FSTL4: variants seen among roughly 807,000 people sequenced by gnomAD.
FSTL4 encodes the protein follistatin-related protein 4.
Under a neutral mutation model 78.2 loss-of-function variants are expected in FSTL4, and 28 were observed. The ratio of observed to expected loss-of-function variants is 0.36; its 90% CI spans 0.27 to 0.49. FSTL4 has a LOEUF of 0.49. FSTL4 is among the 20% of genes least tolerant of loss of function. The pLI is 0.98. For synonymous variants in FSTL4, 422 were observed against 440.5 expected, an observed-to-expected ratio of 0.96 and a Z score of 0.53; for missense variants, 922 against 1,084.9, an observed-to-expected ratio of 0.85 and a Z score of 2.11.
the FSTL4 span, among the ~76,000 whole-genome samples, chr5:133,739,135 A>G: frequency 1.1e-4 from 17 of 152,076 alleles, no homozygotes; most frequent in African/African-American, 2.9e-4. Flanking sequence ...TTTACTGAGC[A>G]CCAAATCCAA....
intron 2 of FSTL4, among the ~76,000 whole-genome samples, chr5:133,596,168 A>C (rs969075643): frequency 1.3e-5 from 2 of 152,204 alleles, no homozygotes; most frequent in African/African-American, 4.8e-5. Context: ...TAGCCCTGCC[A>C]CCAGCCAAGC....
intron 6 of FSTL4, among the ~76,000 whole-genome samples, chr5:133,279,010 C>T (rs1486920410): frequency 1.3e-5 from 2 of 152,226 alleles, no homozygotes; most frequent in Admixed American, 6.5e-5. Flanking sequence ...AACTTGCCAG[C>T]CCTGGCCAGC....
At chr5:133,595,346 A>G (rs1418663352) in intron 2 of FSTL4, among the ~76,000 whole-genome samples, 3 of 152,244 alleles carry the variant, frequency 2.0e-5, no homozygotes, top group African/African-American at 7.2e-5. Context: ...GGGATTTCTT[A>G]TGTAAGGAGT....
chr5:133,783,034 C>T, the FSTL4 span, among the ~76,000 whole-genome samples: 3 of 152,198 alleles, frequency 2.0e-5, no homozygotes, highest in Non-Finnish European at 4.4e-5. Context: ...GTCACCAGCA[C>T]CTCTTCCAAC....
intron 4 of FSTL4, among the ~76,000 whole-genome samples, chr5:133,376,551 C>A (rs1292626795): frequency 6.6e-6 from 1 of 151,880 alleles, no homozygotes; most frequent in Non-Finnish European, 1.5e-5. Context: ...TTAAAAAAAA[C>A]ACACACACTC....
rs1209286806 is a variant in FSTL4, at chr5:133,312,638, CT to C, written c.727+15del. 4.3e-6 allele frequency: 7 copies of C among 1,613,432 alleles called. No individual in the cohort carries two copies. The Admixed American group carries it at 6.7e-5, about 15-fold the overall frequency. The stretch of plus-strand genomic sequence containing the variant: ...CCTGCAGAAATAAGCCCTTTTCCCA[CT>C]GGGACCCAACTTACGGAAGGCCATG... On this transcript the variant is annotated intron_variant, in intron 6 of 15. Transcript: ENST00000265342.
the FSTL4 span, among the ~76,000 whole-genome samples, chr5:133,836,120 T>C: frequency 6.6e-6 from 1 of 152,188 alleles, no homozygotes; most frequent in Admixed American, 6.5e-5. Context: ...TTGAGTTTTG[T>C]TTTTATCTAG....
chr5:133,493,787 A>C (rs1758316916), intron 3 of FSTL4, among the ~76,000 whole-genome samples: 1 of 152,150 alleles, frequency 6.6e-6, no homozygotes, highest in Admixed American at 6.5e-5. Flanking sequence ...ATATTTAGAA[A>C]AATAAACATT....
At chr5:133,815,347 T>C in the FSTL4 span, among the ~76,000 whole-genome samples, 3 of 152,296 alleles carry the variant, frequency 2.0e-5, no homozygotes, top group African/African-American at 4.8e-5. Flanking sequence ...CTGGGAAGGG[T>C]GCAGTTTCCA....
At chr5:133,456,309 A>T (rs887769688) in intron 3 of FSTL4, among the ~76,000 whole-genome samples, 1 of 152,240 alleles carries the variant, frequency 6.6e-6, no homozygotes, top group African/African-American at 2.4e-5. Flanking sequence ...GTCCTGAGAC[A>T]ACAAGTGGGC....
intron 15 of FSTL4, among the ~76,000 whole-genome samples, chr5:133,201,102 T>G (rs1441896109): frequency 1.3e-5 from 2 of 152,182 alleles, no homozygotes; most frequent in African/African-American, 4.8e-5. Context: ...CAGCAACAAC[T>G]TGCAAAAACG....
the FSTL4 span, among the ~76,000 whole-genome samples, chr5:133,650,883 A>G: frequency 6.6e-6 from 1 of 152,242 alleles, no homozygotes; most frequent in East Asian, 1.9e-4. Context: ...ATCCAGGAAC[A>G]TGAAATATCT....
rs1398113629 is a variant in FSTL4 at position 133,236,080 on chromosome 5, T to A, written c.895-2543A>T. On this transcript the variant is annotated intron_variant, in intron 7 of 15. Coordinates refer to ENST00000265342, the MANE Select transcript of FSTL4 (RefSeq NM_015082.2). This position sits in a 1 kb window ranked among gnomAD's most constrained non-coding sequence, Gnocchi z 5.0. ...CATCCGAGAGGGCAAAAACCAGAGC[T>A]GCTTGCAGGGAGCCTGGCGCTGTGG... Among the ~76,000 whole-genome samples the A allele has an allele frequency of 6.6e-6, 1 of 152,152 alleles. No individual in the cohort carries two copies. Among genetic ancestry groups the A allele is most frequent in the African/African-American group, 2.4e-5 (1 of 41,428 alleles).
chr5:133,633,308 T>C, the FSTL4 span, among the ~76,000 whole-genome samples: 1 of 152,160 alleles, frequency 6.6e-6, no homozygotes, highest in Non-Finnish European at 1.5e-5. Context: ...CTCTGTTAAT[T>C]TCAGTCTATT....
At chr5:133,424,490 G>A (rs866485491) in intron 3 of FSTL4, among the ~76,000 whole-genome samples, 9 of 152,192 alleles carry the variant, frequency 5.9e-5, no homozygotes, top group East Asian at 3.8e-4. Context: ...TTGCATTTCC[G>A]AGCAGTCTCT....
At chr5:133,834,089 G>A in the FSTL4 span, among the ~76,000 whole-genome samples, 3 of 152,234 alleles carry the variant, frequency 2.0e-5, no homozygotes, top group Non-Finnish European at 4.4e-5. Context: ...TCTTGCTAGA[G>A]ATTAGAGTAA....
At chr5:133,278,854 C>T (rs1441932953) in intron 6 of FSTL4, among the ~76,000 whole-genome samples, 1 of 152,204 alleles carries the variant, frequency 6.6e-6, no homozygotes, top group Non-Finnish European at 1.5e-5. Context: ...AATCTGATCC[C>T]CTGCTCCTCC....
chr5:133,372,237 C>CTATGTATGTATG (rs1209646551), intron 4 of FSTL4, among the ~76,000 whole-genome samples: 6 of 87,754 alleles, frequency 6.8e-5, no homozygotes, highest in Non-Finnish European at 1.4e-4. Flanking sequence ...ATCTATGTAT[C>CTATGTATGTATG]TATGTATCTA....
Position 133,199,636 on chromosome 5 carries a change from T to A in FSTL4, c.1988A>T (p.Asp663Val). ...CTGTCGGGCAGCAGAGGCGGGGCTG[T>A]CCTGTCGGCACTGGATGAAGAAGTA... ...GGYFFIQCRQDSPASAARQLL... is the reference protein window; with the variant it reads ...GGYFFIQCRQVSPASAARQLL... The change falls in exon 16 of 16, where the codon GAC becomes GTC. Residue 663 changes from aspartate (D) to valine (V), a missense_variant. Asp to Val is a radical substitution (Grantham distance 152). Transcript: ENST00000265342. This position sits in a 1 kb window ranked among gnomAD's most constrained non-coding sequence, Gnocchi z 4.4. 6.2e-7 allele frequency: 1 copy of A among 1,614,184 alleles called. No individual in the cohort carries two copies. The highest frequency in any genetic ancestry group is 8.5e-7 in the Non-Finnish European group (1 of 1,180,044).
Sources: gnomAD v4.1 joint callset for allele counts (sites outside exome capture counted in the v4.1 genomes callset) on GRCh38, gnomAD v4.1.1 for gene constraint, Gnocchi (gnomAD v3.1) non-coding constraint, MANE v1.5 for transcripts, NCBI Gene and HGNC (gene_info 2026-07-23, HGNC 2026-07-21) for gene names.